Variants in TRMT1 observed in about 807,000 individuals in gnomAD.
The protein encoded by TRMT1 is tRNA methyltransferase 1.
In TRMT1, 63 loss-of-function variants were observed where a neutral mutation model predicts 75.4. That is an observed-to-expected ratio of 0.84 (90% CI 0.68 to 1.03). The LOEUF (loss-of-function observed/expected upper bound fraction) is 1.03, where lower values mean the gene tolerates loss of function less well. Ranked by LOEUF, TRMT1 falls within the 50% of genes least tolerant of loss-of-function variation. The probability of loss-of-function intolerance (pLI) is 0.00; values close to 1 mark genes in which losing one functional copy is unlikely to be tolerated. For missense variants in TRMT1, 870 were observed against 905.3 expected, an observed-to-expected ratio of 0.96 and a Z score of 0.50; for synonymous variants, 382 against 358.1, an observed-to-expected ratio of 1.07 and a Z score of -0.75.
chr19:13,110,273 G>A lies in TRMT1; in HGVS notation c.904C>T (p.Arg302Cys), dbSNP rs148038210. The A allele has an allele frequency of 5.7e-5, 92 of 1,611,750 alleles. No individual in the cohort carries two copies. Among genetic ancestry groups the A allele is most frequent in the Admixed American group, 2.5e-4 (15 of 59,828 alleles). ...LRIVLHSLDL[R>C]ANCYQRFVVP... is the part of the protein sequence containing the mutation. ...ACGAAGCGCTGGTAGCAGTTGGCGCGGAGGTCCAGGCTGTGCAGGACGATT... is the reference window on the plus strand; with the variant it reads ...ACGAAGCGCTGGTAGCAGTTGGCGCAGAGGTCCAGGCTGTGCAGGACGATT... The change falls in exon 8 of 17, where the codon CGC becomes TGC. Residue 302 changes from arginine to cysteine, a missense_variant. Transcript: ENST00000357720.
chr19:13,106,146 T>C (rs186630498), intron 14 of TRMT1, among the ~76,000 whole-genome samples: 18 of 151,992 alleles, frequency 1.2e-4, no homozygotes, highest in Admixed American at 3.9e-4. Context: ...AGCTGCAGTC[T>C]GGAACTCCTG....
At chr19:13,112,436 A>T (rs560664776) in intron 7 of TRMT1, among the ~76,000 whole-genome samples, 2 of 152,312 alleles carry the variant, frequency 1.3e-5, no homozygotes, top group South Asian at 4.1e-4. Flanking sequence ...TTTTTTGAAA[A>T]GTTGTTTTAA....
intron 8 of TRMT1, 69 bp from the exon 9 acceptor site, chr19:13,110,070 G>A: frequency 6.2e-7 from 1 of 1,610,384 alleles, no homozygotes; most frequent in Non-Finnish European, 8.5e-7. Context: ...CCTTAGACTG[G>A]CTCTGTCCCT....
intron 7 of TRMT1, among the ~76,000 whole-genome samples, 183 bp downstream of exon 7, chr19:13,112,522 C>T (rs1001145973): frequency 6.6e-6 from 1 of 152,262 alleles, no homozygotes; most frequent in Non-Finnish European, 1.5e-5. Context: ...CCATGATTAT[C>T]AGCCATGCTC....
chr19:13,114,685 A>T lies in TRMT1; in HGVS notation c.641+594T>A, dbSNP rs2019268703. 4.0e-5 allele frequency among the ~76,000 whole-genome samples: 6 copies of T among 151,570 alleles called. No homozygotes were observed. The South Asian group carries it at 1.3e-3, about 32-fold the overall frequency. ...TCAAAAAATAAATAAATAAATAAAA[A>T]TAAAAATTAGCCAGGCGTGGTGGCA... On this transcript the variant is annotated intron_variant, in intron 5 of 16. Transcript: ENST00000357720.
chr19:13,111,573 T>C (rs778148802), intron 7 of TRMT1, among the ~76,000 whole-genome samples: 5 of 147,728 alleles, frequency 3.4e-5, no homozygotes, highest in African/African-American at 1.0e-4. Context: ...TTTTTTTGTA[T>C]TTTTAGTAGA....
At chr19:13,115,957 G>T in intron 3 of TRMT1, 40 bp downstream of exon 3, 1 of 1,613,738 alleles carries the variant, frequency 6.2e-7, no homozygotes, top group Non-Finnish European at 8.5e-7. Context: ...AGATAAACTT[G>T]TGTGACCCCC....
intron 14 of TRMT1, among the ~76,000 whole-genome samples, chr19:13,107,330 G>C (rs1406073230): frequency 1.3e-5 from 2 of 151,364 alleles, no homozygotes; most frequent in Non-Finnish European, 2.9e-5. Flanking sequence ...AGTAGAGATG[G>C]GGTTCCACCA....
rs1178142160 is a variant in TRMT1, at chr19:13,109,408, C to A, written c.1370G>T (p.Cys457Phe). 5 of 1,613,142 alleles carry A rather than the reference C, an allele frequency of 3.1e-6. No individual in the cohort carries two copies. Residue 457 changes from cysteine to phenylalanine, a missense_variant, in exon 12 of 17, where the codon TGC becomes TTC. Cys to Phe is a radical substitution (Grantham distance 205). Transcript: ENST00000357720. ...TLDQLSSTIH[C>F]NTPSLLQLRS... ...CAACTGCAGGAGGCTTGGTGTGTTG[C>A]AGTGGATGGTGCTGCTCAGCTGGTC...
chr19:13,109,454 C>T lies in TRMT1; in HGVS notation c.1324G>A (p.Val442Met), dbSNP rs781593889. The T allele has an allele frequency of 2.5e-5, 40 of 1,613,676 alleles. No homozygotes were observed. The highest frequency in any genetic ancestry group is 6.7e-5 in the African/African-American group (5 of 74,846). Residue 442 changes from valine (V) to methionine (M), a missense_variant, in exon 12 of 17, where the codon GTG (valine) becomes ATG (methionine). Transcript: ENST00000357720. ...TGGTCCAGGGTGTAGTACAGAGGCA[C>T]GTCCGGGAGCTCCTGCGATGGGGGA... The part of the protein sequence containing the change: ...LSVITEELPD[V>M]PLYYTLDQLS...
chr19:13,110,093 G>T, intron 8 of TRMT1, 65 bp downstream of exon 8: 1 of 1,608,568 alleles, frequency 6.2e-7, no homozygotes, highest in Non-Finnish European at 8.5e-7. Flanking sequence ...AGAAGCCCCA[G>T]ATCCCCCAGG....
chr19:13,105,102 G>T, intron 16 of TRMT1, 21 bp from the exon 17 acceptor site: 1 of 1,566,286 alleles, frequency 6.4e-7, no homozygotes, highest in Non-Finnish European at 8.7e-7. Context: ...GATGGTGGGT[G>T]TGAACCCCTG....
chr19:13,116,002 A>T lies in TRMT1; in HGVS notation c.305T>A (p.Ile102Asn). The T allele has an allele frequency of 6.2e-7, 1 of 1,613,888 alleles. No individual in the cohort carries two copies. The highest frequency in any genetic ancestry group is 1.3e-5 in the African/African-American group (1 of 74,980). ...AAGCCTGGACCTCCACTCACTCTGG[A>T]TTCCTTTGGCCCCAAGCTGAATGCG... is the stretch of plus-strand genomic sequence containing the variant. ...FARIQLGAKGIQIKVPGEKDT... is the reference protein window; with the variant it reads ...FARIQLGAKGNQIKVPGEKDT... The change falls in exon 3 of 17, where the codon ATC (isoleucine) becomes AAC (asparagine). Residue 102 changes from isoleucine to asparagine, a missense_variant. Physicochemically the swap from Ile to Asn is moderately radical, Grantham distance 149. Transcript: ENST00000357720.
At position 13,109,675 on chromosome 19, in the gene TRMT1, G is replaced by C; in HGVS notation, c.1186C>G (p.Pro396Ala). Residue 396 changes from proline (P) to alanine (A), a missense_variant, in exon 11 of 17, where the codon CCC becomes GCC. Physicochemically the swap from Pro to Ala is conservative, Grantham distance 27 (BLOSUM62 -1). Transcript: ENST00000357720. Reference sequence around the variant, plus strand: ...TCATGGATGGGCTCTGCCCACATGGGGCCACCAAGCTGGGGGCGCACCGGG... The same window carrying C: ...TCATGGATGGGCTCTGCCCACATGGCGCCACCAAGCTGGGGGCGCACCGGG... ...HCGQRHQLGG[P>A]MWAEPIHDLD... The C allele has an allele frequency of 6.2e-7, 1 of 1,613,836 alleles. No homozygotes were observed. Among genetic ancestry groups the C allele is most frequent in the Non-Finnish European group, 8.5e-7 (1 of 1,179,970 alleles).
rs773045467 is a variant in TRMT1, at chr19:13,105,526, G to C, written c.1664C>G (p.Pro555Arg). The change falls in exon 15 of 17, where the codon CCG becomes CGG. Residue 555 changes from proline (P) to arginine (R), a missense_variant. Coordinates refer to ENST00000357720, the MANE Select transcript of TRMT1 (RefSeq NM_001136035.4). The part of the protein sequence containing the change: ...QRGLKRFQAN[P>R]EANWGPRPRA... Reference sequence around the variant, plus strand: ...AGGCCGGGGACCCCAGTTGGCCTCCGGGTTAGCCTGGAAGCGCTTGAGTCC... The same window carrying C: ...AGGCCGGGGACCCCAGTTGGCCTCCCGGTTAGCCTGGAAGCGCTTGAGTCC... 6.2e-7 allele frequency: 1 copy of C among 1,614,044 alleles called. No individual in the cohort carries two copies. Among genetic ancestry groups the C allele is most frequent in the Admixed American group, 1.7e-5 (1 of 60,024 alleles).
At chr19:13,105,145 T>C in intron 16 of TRMT1, 64 bp from the exon 17 acceptor site, 1 of 1,548,096 alleles carries the variant, frequency 6.5e-7, no homozygotes, top group East Asian at 2.3e-5. Context: ...TGGGATCCTT[T>C]CCTGGGATGG....
chr19:13,109,848 G>A lies in TRMT1; in HGVS notation c.1107-10C>T. On this transcript the variant is annotated splice_polypyrimidine_tract_variant and intron_variant, in intron 9 of 16. Coordinates refer to ENST00000357720, the MANE Select transcript of TRMT1 (RefSeq NM_001136035.4). ...TGCAGAGAACTTGGCCCTAAACAGA[G>A]AGGGGTGGTTGGTGGGGAGGGAGGA... The A allele has an allele frequency of 6.2e-7, 1 of 1,614,126 alleles. No homozygotes were observed. Among genetic ancestry groups the A allele is most frequent in the Non-Finnish European group, 8.5e-7 (1 of 1,180,030 alleles).
At chr19:13,115,585 G>A (rs779018987) in intron 4 of TRMT1, 41 bp downstream of exon 4, 14 of 1,610,570 alleles carry the variant, frequency 8.7e-6, no homozygotes, top group South Asian at 4.4e-5. Context: ...TCTGTCTCCC[G>A]CTAAATTCCA....
Position 13,115,756 on chromosome 19 carries a change from C to T in TRMT1, c.323G>A (p.Gly108Glu), listed in dbSNP as rs1372961344. Residue 108 changes from glycine (G) to glutamate (E), a missense_variant, in exon 4 of 17, where the codon GGA becomes GAA. Coordinates refer to ENST00000357720, the MANE Select transcript of TRMT1 (RefSeq NM_001136035.4). ...GAKGIQIKVPGEKDTQKVVVD... is the reference protein window; with the variant it reads ...GAKGIQIKVPEEKDTQKVVVD... ...GACCACTTTTTGCGTGTCCTTCTCT[C>T]CTGGAACCTTGACTGCAGCCACCCA... 5.0e-6 allele frequency: 8 copies of T among 1,613,992 alleles called. No individual in the cohort carries two copies. Among genetic ancestry groups the T allele is most frequent in the Admixed American group, 1.7e-5 (1 of 60,004 alleles).
Sources: allele counts gnomAD v4.1 joint callset (sites outside exome capture counted in the v4.1 genomes callset), GRCh38; gene constraint gnomAD v4.1.1; transcripts MANE v1.5; gene names NCBI Gene and HGNC (gene_info 2026-07-23, HGNC 2026-07-21).